Variants in CNGB1 observed in about 807,000 individuals in gnomAD.
The protein encoded by CNGB1 is cyclic nucleotide gated channel subunit beta 1, also known as cyclic nucleotide-gated channel beta-1.
CNGB1 carries 126 observed loss-of-function variants against 151.7 expected under a neutral mutation model. The observed-to-expected ratio is 0.83, with a 90% CI of 0.72 to 0.96. CNGB1 has a LOEUF of 0.96. CNGB1 is among the 40% of genes least tolerant of loss of function. CNGB1 has a pLI of 0.00. For missense variants in CNGB1, 1,698 were observed against 1,627.0 expected, an observed-to-expected ratio of 1.04 and a Z score of -0.75; for synonymous variants, 623 against 635.1, an observed-to-expected ratio of 0.98 and a Z score of 0.29.
intron 17 of CNGB1, among the ~76,000 whole-genome samples, chr16:57,924,221 C>T (rs1961123971): frequency 6.6e-6 from 1 of 152,024 alleles, no homozygotes; most frequent in African/African-American, 2.4e-5. Flanking sequence ...CACCCTCTGT[C>T]CCAGCAGAGA....
intron 4 of CNGB1, chr16:57,963,803 G>T (rs1266190430): frequency 2.6e-6 from 1 of 384,022 alleles, no homozygotes; most frequent in Admixed American, 3.8e-5. Context: ...GCCCTCAAGG[G>T]GCTAACAGTC....
chr16:57,940,111 C>T lies in CNGB1; in HGVS notation c.1209+123G>A, dbSNP rs1024871244. 3.1e-6 allele frequency: 3 copies of T among 960,506 alleles called. No homozygotes were observed. In the African/African-American group the frequency reaches 4.9e-5, roughly 16 times the overall value. The allele number at this position is 960,506 out of a possible 1,614,324, so 59.5% of individuals were successfully genotyped here. ...CCTCGCAGGACCCGCCACCCTGCTC[C>T]CTCTGTCCTGCGGGCATCTTACCAG... On this transcript the variant is annotated intron_variant, in intron 15 of 32. Transcript: ENST00000251102.
At chr16:57,919,032 C>G in intron 20 of CNGB1, 67 bp downstream of exon 20, 1 of 1,610,938 alleles carries the variant, frequency 6.2e-7, no homozygotes, top group East Asian at 2.2e-5. Context: ...GACCCTCTCC[C>G]CATCCCGCTC....
intron 16 of CNGB1, among the ~76,000 whole-genome samples, chr16:57,934,301 G>A (rs1283155961): frequency 6.6e-6 from 1 of 152,058 alleles, no homozygotes; most frequent in Non-Finnish European, 1.5e-5. Flanking sequence ...TTCAAAAATC[G>A]GCTGGTCACA....
intron 25 of CNGB1, among the ~76,000 whole-genome samples, chr16:57,911,336 T>C (rs529660496): frequency 6.6e-6 from 1 of 152,350 alleles, no homozygotes; most frequent in Non-Finnish European, 1.5e-5. Flanking sequence ...TGTGTCAGGC[T>C]GGAATGCAAT....
At chr16:57,969,811 C>T (rs920153549) in intron 1 of CNGB1, among the ~76,000 whole-genome samples, 4 of 152,180 alleles carry the variant, frequency 2.6e-5, no homozygotes, top group African/African-American at 7.2e-5. Flanking sequence ...CTGGCCAGTG[C>T]GCAGCGTGCA....
At chr16:57,908,420 TG>T (rs1960616691) in intron 25 of CNGB1, among the ~76,000 whole-genome samples, 1 of 152,256 alleles carries the variant, frequency 6.6e-6, no homozygotes, top group African/African-American at 2.4e-5. Flanking sequence ...GTGTCACTAG[TG>T]GGCACAGCCC....
chr16:57,917,500 G>A (rs770421581), intron 20 of CNGB1, 24 bp from the exon 21 acceptor site: 19 of 1,610,380 alleles, frequency 1.2e-5, no homozygotes, highest in South Asian at 5.5e-5. Context: ...TGACGGGGAC[G>A]CTAGAGCATC....
chr16:57,964,305 G>T, intron 3 of CNGB1, 103 bp from the exon 4 acceptor site: 2 of 1,415,170 alleles, frequency 1.4e-6, no homozygotes, highest in Non-Finnish European at 2.0e-6. Flanking sequence ...GACCCCCAGG[G>T]GTCAGAAAGC....
At chr16:57,903,216 C>G in intron 27 of CNGB1, among the ~76,000 whole-genome samples, 1 of 144,370 alleles carries the variant, frequency 6.9e-6, no homozygotes, top group Non-Finnish European at 1.5e-5. Flanking sequence ...ATTTAAACTG[C>G]ACTTCGGCCT....
rs199896896 is a variant in CNGB1 at position 57,884,152 on chromosome 16, C to T, written c.*12G>A. The T allele has an allele frequency of 4.3e-5, 69 of 1,613,962 alleles. No homozygotes were observed. In the Middle Eastern group the frequency reaches 8.2e-4, roughly 19 times the overall value. ...CTGCTGGAACTGCGCGCGGGATCCG[C>T]CTCACCCCACCTTACTCCGCCTTCT... On this transcript the variant is annotated 3_prime_UTR_variant, in exon 33 of 33. Coordinates refer to ENST00000251102, the MANE Select transcript of CNGB1 (RefSeq NM_001297.5).
Position 57,899,841 on chromosome 16 carries a change from C to T in CNGB1, c.2976+1511G>A, listed in dbSNP as rs1480682323. Among the ~76,000 whole-genome samples the T allele has an allele frequency of 2.0e-5, 3 of 152,170 alleles. No homozygotes were observed. The East Asian group carries it at 5.8e-4, about 29-fold the overall frequency. Reference sequence around the variant, plus strand: ...GAGTGAAAGGGTGAAGGGACCCTCACCTCAGTAACCAGTCCCCGGGGTGTC... The same window carrying T: ...GAGTGAAAGGGTGAAGGGACCCTCATCTCAGTAACCAGTCCCCGGGGTGTC... On this transcript the variant is annotated intron_variant, in intron 29 of 32. Coordinates refer to ENST00000251102, the MANE Select transcript of CNGB1 (RefSeq NM_001297.5).
chr16:57,884,341 C>T lies in CNGB1; in HGVS notation c.3579G>A (p.Pro1193=), dbSNP rs778536843. The T allele has an allele frequency of 6.4e-7, 1 of 1,562,476 alleles. No homozygotes were observed. Among genetic ancestry groups the T allele is most frequent in the Non-Finnish European group, 8.6e-7 (1 of 1,157,094 alleles). ...PPAPRTPPEP[P]GSPPSSPPPA... ...GCGGTGGAGAGCTCGGTGGAGACCC[C>T]GGGGGCTCGGGGGGCGTCCGGGGCG... Residue 1193 remains proline, a synonymous_variant, in exon 33 of 33, where the codon CCG becomes CCA. Coordinates refer to ENST00000251102, the MANE Select transcript of CNGB1 (RefSeq NM_001297.5).
intron 29 of CNGB1, among the ~76,000 whole-genome samples, chr16:57,898,366 C>T (rs189535057): frequency 4.0e-5 from 6 of 150,872 alleles, no homozygotes; most frequent in South Asian, 2.1e-4. Context: ...ACAACAATAA[C>T]GATAATATTC....
In CNGB1 at chr16:57,910,570, C is replaced by T. The variant is rs190530820; in HGVS notation, c.2492+1183G>A. Among the ~76,000 whole-genome samples, 226 of 151,720 alleles carry T rather than the reference C, an allele frequency of 1.5e-3. 1 individual carries two copies. Among genetic ancestry groups the T allele is most frequent in the African/African-American group, 5.4e-3 (223 of 41,356 alleles). ...TGTATTTTTATTACAGATGGGATTTCGCTGTGTCGGCCAGGCTGGTCTCGA... is the reference window on the plus strand; with the variant it reads ...TGTATTTTTATTACAGATGGGATTTTGCTGTGTCGGCCAGGCTGGTCTCGA... On this transcript the variant is annotated intron_variant, in intron 25 of 32. Coordinates refer to ENST00000251102, the MANE Select transcript of CNGB1 (RefSeq NM_001297.5).
At chr16:57,937,365 A>G (rs1316481765) in intron 16 of CNGB1, 1 of 152,422 alleles carries the variant, frequency 6.6e-6, no homozygotes, top group Non-Finnish European at 1.5e-5. Flanking sequence ...GGGGACTGCA[A>G]TTAGGAGCAC....
chr16:57,907,732 T>C (rs1960594462), intron 25 of CNGB1, among the ~76,000 whole-genome samples: 1 of 152,156 alleles, frequency 6.6e-6, no homozygotes, highest in African/African-American at 2.4e-5. Flanking sequence ...AGTGAATGAA[T>C]GCATGGTTTA....
Position 57,884,234 on chromosome 16 carries a change from G to A in CNGB1, c.3686C>T (p.Pro1229Leu), listed in dbSNP as rs376833687. ...EEHSVRICMS[P>L]GPEPGEQILS... Reference sequence around the variant, plus strand: ...GATCTGCTCTCCCGGCTCCGGGCCCGGGCTCATGCAGATCCTCACCGAGTG... The same window carrying A: ...GATCTGCTCTCCCGGCTCCGGGCCCAGGCTCATGCAGATCCTCACCGAGTG... Residue 1229 changes from proline (P) to leucine (L), a missense_variant, in exon 33 of 33, where the codon CCG becomes CTG. By Grantham distance (98) the Pro-to-Leu change is moderately conservative (BLOSUM62 -3). Coordinates refer to ENST00000251102, the MANE Select transcript of CNGB1 (RefSeq NM_001297.5). 70 of 1,613,788 alleles carry A rather than the reference G, an allele frequency of 4.3e-5. No homozygotes were observed. The highest frequency in any genetic ancestry group is 6.7e-5 in the Admixed American group (4 of 60,012).
intron 17 of CNGB1, 141 bp downstream of exon 17, chr16:57,931,575 G>C: frequency 1.1e-6 from 1 of 938,236 alleles, no homozygotes; most frequent in South Asian, 1.4e-5. Flanking sequence ...CGAGGAAGGG[G>C]CATCATAGTC....
Sources: gnomAD v4.1 joint callset for allele counts (sites outside exome capture counted in the v4.1 genomes callset) on GRCh38, gnomAD v4.1.1 for gene constraint, MANE v1.5 for transcripts, NCBI Gene and HGNC (gene_info 2026-07-23, HGNC 2026-07-21) for gene names.